SYF2: variants seen among roughly 807,000 people sequenced by gnomAD.
The protein encoded by SYF2 is SYF2 pre-mRNA splicing factor, also known as pre-mRNA-splicing factor SYF2.
SYF2 carries 21 observed loss-of-function variants against 32.7 expected under a neutral mutation model. The observed-to-expected ratio is 0.64, with a 90% confidence interval of 0.45 to 0.92. SYF2 has a LOEUF of 0.92. Among genes scored for constraint, SYF2 ranks in the 40% least tolerant of loss-of-function variants. The pLI is 0.00. For synonymous variants in SYF2, 114 were observed against 103.9 expected (o/e 1.10, Z -0.59); for missense variants, 278 against 296.5 (o/e 0.94, Z 0.46).
At chr1:25,228,338 T>A in intron 3 of SYF2, 103 bp from the exon 4 acceptor site, 1 of 1,028,408 alleles carries the variant, frequency 9.7e-7, no homozygotes, top group Non-Finnish European at 1.4e-6. Context: ...AATACTTTAA[T>A]AGTATTTTTT....
chr1:25,224,745 T>C (rs561747591), intron 6 of SYF2, among the ~76,000 whole-genome samples: 33 of 150,292 alleles, frequency 2.2e-4, no homozygotes, highest in African/African-American at 8.0e-4. Context: ...GAAGGATCAT[T>C]TTTTTTAGAC....
chr1:25,228,463 T>C (rs1276059013), intron 3 of SYF2, among the ~76,000 whole-genome samples: 1 of 152,192 alleles, frequency 6.6e-6, no homozygotes, highest in Non-Finnish European at 1.5e-5. Flanking sequence ...GCCTCCCAAG[T>C]AGCTGGGACT....
chr1:25,230,033 G>A (rs1571491564), intron 2 of SYF2, among the ~76,000 whole-genome samples: 1 of 152,150 alleles, frequency 6.6e-6, no homozygotes. Flanking sequence ...GGCCAGGCTG[G>A]TCTCAAACTC....
rs2124508668 is a variant in SYF2, at chr1:25,223,488, A to G, written c.567-57T>C. ...AATTGCCTTCTCTTTTGATCTTAAT[A>G]AAACACAACCAAACAGGAATATAAT... On this transcript the variant is annotated intron_variant, in intron 6 of 6. Transcript: ENST00000236273. The G allele has an allele frequency of 2.0e-6, 3 of 1,530,552 alleles. No individual in the cohort carries two copies. The East Asian group carries it at 6.8e-5, about 35-fold the overall frequency. The allele number at this position is 1,530,552 out of a possible 1,614,324, so 94.8% of individuals were successfully genotyped here.
rs1638574675 is a variant in SYF2, at chr1:25,229,064, TA to T, written c.191del (p.Leu64TyrfsTer16). 6.2e-7 allele frequency: 1 copy of T among 1,614,026 alleles called. No individual in the cohort carries two copies. Reference protein sequence around the residue: ...EVVEEDKRLKLPANWEAKKAR... With the variant: ...EVVEEDKRLKXPANWEAKKAR... ...CTTTTTTGGCTTCCCAATTTGCAGG[TA>T]ATTTTAGTCTTTTATCTTCTTCCAC... is the stretch of plus-strand genomic sequence containing the variant. On this transcript the variant is annotated frameshift_variant, in exon 3 of 7. Coordinates refer to ENST00000236273, the MANE Select transcript of SYF2 (RefSeq NM_015484.5). LOFTEE classifies it high-confidence loss of function.
chr1:25,223,228 C>T lies in SYF2; in HGVS notation c.*38G>A, dbSNP rs765941929. 2 of 1,535,428 alleles carry T rather than the reference C, an allele frequency of 1.3e-6. No homozygotes were observed. The highest frequency in any genetic ancestry group is 2.5e-5 in the South Asian group (2 of 78,648). On this transcript the variant is annotated 3_prime_UTR_variant, in exon 7 of 7. Transcript: ENST00000236273. Reference sequence around the variant, plus strand: ...TTGATTTTGCTAGCAGAAATTTTTACCCCATTCTCAAGCTTCTATAAACAG... The same window carrying T: ...TTGATTTTGCTAGCAGAAATTTTTATCCCATTCTCAAGCTTCTATAAACAG...
At position 25,225,004 on chromosome 1, in the gene SYF2, T is replaced by G; in HGVS notation, c.564A>C (p.Lys188Asn). 1 of 1,610,722 alleles carries G rather than the reference T, an allele frequency of 6.2e-7. No homozygotes were observed. Among genetic ancestry groups the G allele is most frequent in the Non-Finnish European group, 8.5e-7 (1 of 1,176,902 alleles). ...AAGCTGCTCTACTGAATACTTACTG[T>G]TTTTCCAGATCTATGACCATCCTGT... Reference protein sequence around the residue: ...EIDRMVIDLEKQIEKRDKYSR... With the variant: ...EIDRMVIDLENQIEKRDKYSR... The change falls in exon 6 of 7, where the codon AAA becomes AAC. Residue 188 changes from lysine (K) to asparagine (N), a missense_variant and splice_region_variant. Coordinates refer to ENST00000236273, the MANE Select transcript of SYF2 (RefSeq NM_015484.5).
rs1275165699 is a variant in SYF2 at position 25,232,307 on chromosome 1, G to A, written c.25-96C>T. 3 of 1,583,040 alleles carry A rather than the reference G, an allele frequency of 1.9e-6. No individual in the cohort carries two copies. The African/African-American group carries it at 4.0e-5, about 21-fold the overall frequency. On this transcript the variant is annotated intron_variant, in intron 1 of 6. Transcript: ENST00000236273. The stretch of plus-strand genomic sequence containing the variant: ...CGCCGGTCCCCACAGGCTGGGCCTA[G>A]GGCCTCCACCGCCGACTTGACCCCA...
At chr1:25,230,106 C>T (rs949393548) in intron 2 of SYF2, among the ~76,000 whole-genome samples, 2 of 152,152 alleles carry the variant, frequency 1.3e-5, no homozygotes, top group African/African-American at 4.8e-5. Context: ...GCATGTGCCA[C>T]CACACCAGGC....
In SYF2 at chr1:25,228,997, C is replaced by T; in HGVS notation, c.258+1G>A. ...CTTATGAAGATAGAATAGTTCCTAA[C>T]CTTTTTCTTTTCCTCTTCCTTTAGT... On this transcript the variant is annotated splice_donor_variant, in intron 3 of 6. Coordinates refer to ENST00000236273, the MANE Select transcript of SYF2 (RefSeq NM_015484.5). LOFTEE classifies it high-confidence loss of function. The T allele has an allele frequency of 6.2e-7, 1 of 1,611,558 alleles. No homozygotes were observed. The highest frequency in any genetic ancestry group is 8.5e-7 in the Non-Finnish European group (1 of 1,179,410).
rs754211886 is a variant in SYF2 at position 25,224,990 on chromosome 1, C to A, written c.566+12G>T. 6.9e-6 allele frequency: 11 copies of A among 1,588,472 alleles called. No individual in the cohort carries two copies. The South Asian group carries it at 8.8e-5, about 13-fold the overall frequency. On this transcript the variant is annotated intron_variant, in intron 6 of 6. Transcript: ENST00000236273. The stretch of plus-strand genomic sequence containing the variant: ...GTATTTACAACGTCAAGCTGCTCTA[C>A]TGAATACTTACTGTTTTTCCAGATC...
At chr1:25,227,615 G>A in intron 4 of SYF2, 83 bp from the exon 5 acceptor site, 3 of 1,238,836 alleles carry the variant, frequency 2.4e-6, no homozygotes, top group Non-Finnish European at 3.4e-6. Flanking sequence ...AATTATCACA[G>A]GTGAGTATCT....
At chr1:25,223,578 G>A in intron 6 of SYF2, 147 bp from the exon 7 acceptor site, 1 of 712,474 alleles carries the variant, frequency 1.4e-6, no homozygotes, top group Non-Finnish European at 2.3e-6. Flanking sequence ...TCAAGTTAAA[G>A]TTGAAACTGA....
intron 6 of SYF2, among the ~76,000 whole-genome samples, chr1:25,224,337 C>A (rs1488373716): frequency 6.6e-6 from 1 of 152,116 alleles, no homozygotes; most frequent in Non-Finnish European, 1.5e-5. Context: ...TTCACTGCAC[C>A]CTCCACTTCT....
intron 2 of SYF2, 22 bp downstream of exon 2, chr1:25,232,082 G>A: frequency 1.2e-6 from 2 of 1,609,264 alleles, no homozygotes; most frequent in Non-Finnish European, 8.5e-7. Context: ...ACGGATCTAA[G>A]CCGGCCTCCA....
intron 5 of SYF2, 42 bp downstream of exon 5, chr1:25,227,400 C>T: frequency 6.6e-7 from 1 of 1,517,794 alleles, no homozygotes; most frequent in Non-Finnish European, 9.1e-7. Context: ...CACACACACA[C>T]ACAAATACAT....
rs1638550548 is a variant in SYF2, at chr1:25,228,120, G to A, written c.374C>T (p.Ser125Leu). ...GGTTCAATAAAGGTCAATCTGACCT[G>A]AAAATCCCAGATCAGGGTTTTTCCT... ...KKRKNPDLGF[S>L]DYAAAQLRQY... Residue 125 changes from serine (S) to leucine (L), a missense_variant and splice_region_variant, in exon 4 of 7, where the codon TCA becomes TTA. Physicochemically the swap from Ser to Leu is moderately radical, Grantham distance 145. Coordinates refer to ENST00000236273, the MANE Select transcript of SYF2 (RefSeq NM_015484.5). The A allele has an allele frequency of 1.1e-5, 17 of 1,612,826 alleles. No individual in the cohort carries two copies. The highest frequency in any genetic ancestry group is 1.7e-4 in the Middle Eastern group (1 of 6,060).
chr1:25,225,199 C>T (rs1019936613), intron 5 of SYF2, 99 bp from the exon 6 acceptor site: 5 of 781,936 alleles, frequency 6.4e-6, no homozygotes, highest in Non-Finnish European at 1.1e-5. Flanking sequence ...TATACACATA[C>T]ATTTACTGTG....
At chr1:25,229,227 AC>A in intron 2 of SYF2, 104 bp from the exon 3 acceptor site, 2 of 1,353,362 alleles carry the variant, frequency 1.5e-6, no homozygotes, top group Non-Finnish European at 1.0e-6. Flanking sequence ...TAATAAGCTG[AC>A]CCCATTTTAT....
Sources: allele counts gnomAD v4.1 joint callset (sites outside exome capture counted in the v4.1 genomes callset), GRCh38; gene constraint gnomAD v4.1.1; transcripts MANE v1.5; gene names NCBI Gene and HGNC (gene_info 2026-07-23, HGNC 2026-07-21).